The following MRPS31 variants were observed in gnomAD, a reference collection of about 807,000 sequenced individuals.
The protein encoded by MRPS31 is mitochondrial ribosomal protein S31, also known as small ribosomal subunit protein mS31.
MRPS31 carries 32 observed loss-of-function variants against 43.1 expected under a neutral mutation model. That is an observed-to-expected ratio of 0.74 (90% CI 0.56 to 1.00). The LOEUF is 1.00. Ranked by LOEUF, MRPS31 falls within the 50% of genes least tolerant of loss-of-function variation. The pLI, the probability that MRPS31 is intolerant of heterozygous loss-of-function variation, is 0.00. For missense variants in MRPS31, 437 were observed against 466.7 expected, an observed-to-expected ratio of 0.94 and a Z score of 0.59; for synonymous variants, 165 against 161.6, an observed-to-expected ratio of 1.02 and a Z score of -0.16.
At chr13:40,760,052 G>T (rs527932019) in intron 2 of MRPS31, among the ~76,000 whole-genome samples, 2 of 148,766 alleles carry the variant, frequency 1.3e-5, no homozygotes, top group African/African-American at 4.9e-5. Flanking sequence ...CATGAGAATC[G>T]TTTGAACCTG....
chr13:40,755,585 G>A (rs1223042337), intron 4 of MRPS31, among the ~76,000 whole-genome samples: 4 of 152,160 alleles, frequency 2.6e-5, no homozygotes, highest in East Asian at 1.9e-4. Context: ...AGGCAGGCCA[G>A]TGTGAACTGT....
intron 6 of MRPS31, among the ~76,000 whole-genome samples, chr13:40,743,512 ACAAT>A (rs1303560051): frequency 1.3e-5 from 2 of 152,200 alleles, no homozygotes; most frequent in African/African-American, 4.8e-5. Flanking sequence ...GAAGCAAAAA[ACAAT>A]CAACCCTATT....
At position 40,732,485 on chromosome 13, in the gene MRPS31, G is replaced by A. The variant is rs145232747; in HGVS notation, c.959-2884C>T. Among the ~76,000 whole-genome samples, 325 of 152,294 alleles carry A rather than the reference G, an allele frequency of 2.1e-3. 1 individual carries two copies. The highest frequency in any genetic ancestry group is 7.6e-3 in the African/African-American group (316 of 41,550). ...ATGGTGGCTCATGTCTATAATCTCA[G>A]CACTTTGGGAGGCCGAGGCAGGAGG... is the stretch of plus-strand genomic sequence containing the variant. On this transcript the variant is annotated intron_variant, in intron 6 of 6. Coordinates refer to ENST00000323563, the MANE Select transcript of MRPS31 (RefSeq NM_005830.4).
intron 6 of MRPS31, among the ~76,000 whole-genome samples, chr13:40,743,803 A>G (rs1301488641): frequency 1.3e-5 from 2 of 152,222 alleles, no homozygotes; most frequent in African/African-American, 2.4e-5. Context: ...GATTTCTCAA[A>G]TAACTTAAAA....
At chr13:40,769,421 T>TG (rs10684050) in intron 1 of MRPS31, among the ~76,000 whole-genome samples, 6,663 of 120,166 alleles carry the variant, frequency 0.055, 654 homozygotes, top group East Asian at 0.17. Flanking sequence ...TATATATATA[T>TG]TATCAAGTTC....
chr13:40,770,924 C>T, intron 1 of MRPS31, 61 bp downstream of exon 1: 2 of 1,605,348 alleles, frequency 1.2e-6, no homozygotes, highest in South Asian at 1.1e-5. Flanking sequence ...CAGGTGGTAA[C>T]ATCGACCCCA....
intron 2 of MRPS31, among the ~76,000 whole-genome samples, chr13:40,764,649 A>G (rs1400715024): frequency 6.6e-6 from 1 of 152,198 alleles, no homozygotes; most frequent in Non-Finnish European, 1.5e-5. Context: ...GAACCCAGCC[A>G]CCATGCAGGG....
intron 6 of MRPS31, among the ~76,000 whole-genome samples, chr13:40,739,159 GC>G (rs1359593990): frequency 6.6e-6 from 1 of 152,072 alleles, no homozygotes; most frequent in African/African-American, 2.4e-5. Context: ...CAAACAGAGA[GC>G]CAAATCATGA....
At chr13:40,770,900 C>T (rs41286981) in intron 1 of MRPS31, 85 bp downstream of exon 1, 29,798 of 1,535,372 alleles carry the variant, frequency 0.019, 1,219 homozygotes, top group East Asian at 0.15. Context: ...AAAGCAATAG[C>T]TTCTAAGACC....
At chr13:40,749,091 A>C in intron 6 of MRPS31, 47 bp downstream of exon 6, 2 of 1,543,104 alleles carry the variant, frequency 1.3e-6, no homozygotes, top group Non-Finnish European at 1.7e-6. Flanking sequence ...TCTGGCAGAA[A>C]TAATCTCAAT....
At chr13:40,757,570 G>T (rs1179802646) in intron 3 of MRPS31, among the ~76,000 whole-genome samples, 1 of 147,126 alleles carries the variant, frequency 6.8e-6, no homozygotes, top group Non-Finnish European at 1.5e-5. Flanking sequence ...TCAGCCTTCC[G>T]AGTAGCTGAG....
At chr13:40,750,234 C>G (rs949116508) in intron 5 of MRPS31, among the ~76,000 whole-genome samples, 1 of 152,126 alleles carries the variant, frequency 6.6e-6, no homozygotes, top group Non-Finnish European at 1.5e-5. Flanking sequence ...ATGGATGAAT[C>G]TCAAATCATT....
intron 6 of MRPS31, among the ~76,000 whole-genome samples, chr13:40,741,675 T>C (rs77741391): frequency 0.021 from 3,147 of 152,204 alleles, 98 homozygotes; most frequent in African/African-American, 0.069. Context: ...TTATTGCCAT[T>C]GAAAATATAC....
At chr13:40,751,125 C>T (rs1168292811) in intron 5 of MRPS31, among the ~76,000 whole-genome samples, 2 of 152,102 alleles carry the variant, frequency 1.3e-5, no homozygotes, top group Non-Finnish European at 1.5e-5. Flanking sequence ...CACACACTGA[C>T]TGCTAGATAT....
rs1220219755 is a variant in MRPS31, at chr13:40,766,748, CTT to C, written c.436_437del (p.Lys146GlufsTer3). 1.3e-6 allele frequency: 2 copies of C among 1,589,090 alleles called. No homozygotes were observed. The highest frequency in any genetic ancestry group is 2.7e-5 in the African/African-American group (2 of 73,286). On this transcript the variant is annotated frameshift_variant, in exon 2 of 7. Transcript: ENST00000323563. LOFTEE classifies it high-confidence loss of function. ...ATCTGAATTACAATTAAATTTACCT[CTT>C]CTTTGGAGCATATTCTGTAGCTCTT... ...LRRATEYAPKKRIEPLSPELV... is the reference protein window; with the variant it reads ...LRRATEYAPKXRIEPLSPELV...
chr13:40,739,247 C>G (rs1323412707), intron 6 of MRPS31, among the ~76,000 whole-genome samples: 1 of 152,126 alleles, frequency 6.6e-6, no homozygotes, highest in Non-Finnish European at 1.5e-5. Flanking sequence ...TAAAGGACCT[C>G]TTCAAGGAGA....
chr13:40,744,416 A>C (rs1880183808), intron 6 of MRPS31, among the ~76,000 whole-genome samples: 1 of 152,246 alleles, frequency 6.6e-6, no homozygotes, highest in Non-Finnish European at 1.5e-5. Context: ...TGAGAGTTTT[A>C]AAAAGGAGAC....
chr13:40,741,815 T>C (rs1318428612), intron 6 of MRPS31, among the ~76,000 whole-genome samples: 9 of 151,808 alleles, frequency 5.9e-5, no homozygotes, highest in Non-Finnish European at 1.3e-4. Context: ...CATATAGAAC[T>C]ATAAAATGAA....
intron 6 of MRPS31, among the ~76,000 whole-genome samples, chr13:40,748,895 A>C (rs1880311843): frequency 6.6e-6 from 1 of 152,254 alleles, no homozygotes; most frequent in Non-Finnish European, 1.5e-5. Context: ...TTTACGTCAT[A>C]GAAATTCATG....
Sources: allele counts gnomAD v4.1 joint callset (sites outside exome capture counted in the v4.1 genomes callset), GRCh38; gene constraint gnomAD v4.1.1; transcripts MANE v1.5; gene names NCBI Gene and HGNC (gene_info 2026-07-23, HGNC 2026-07-21).